Variants in POLE observed in about 807,000 individuals in gnomAD.
POLE encodes DNA polymerase epsilon catalytic subunit A.
In POLE, 188 loss-of-function variants were observed where a neutral mutation model predicts 279.2. The observed-to-expected ratio is 0.67, with a 90% confidence interval of 0.60 to 0.76. The LOEUF (loss-of-function observed/expected upper bound fraction) is 0.76. Among genes scored for constraint, POLE ranks in the 30% least tolerant of loss-of-function variants. POLE has a pLI of 0.00. For synonymous variants in POLE, 1,214 were observed against 1,172.5 expected (o/e 1.04, Z -0.72); for missense variants, 2,703 against 3,016.7 (o/e 0.90, Z 2.44).
intron 45 of POLE, among the ~76,000 whole-genome samples, chr12:132,627,303 A>AT (rs922405786): frequency 1.6e-4 from 24 of 151,476 alleles, no homozygotes; most frequent in East Asian, 5.8e-4. Flanking sequence ...AAGCTATGTG[A>AT]TTTTTTTTAT....
chr12:132,661,544 G>A lies in POLE; in HGVS notation c.2847C>T (p.Gly949=), dbSNP rs1555226021. 6.2e-7 allele frequency: 1 copy of A among 1,614,070 alleles called. No individual in the cohort carries two copies. Among genetic ancestry groups the A allele is most frequent in the Non-Finnish European group, 8.5e-7 (1 of 1,179,982 alleles). The part of the protein sequence containing the change: ...AMILPASKEE[G]KKLKKRYAVF... The stretch of plus-strand genomic sequence containing the variant: ...AGTCCCACCTCTTCTTCAATTTCTT[G>A]CCTTCTTCCTTGGAGGCTGGAAGAA... The change falls in exon 24 of 49, where the codon GGC becomes GGT. Residue 949 remains glycine, a synonymous_variant. Transcript: ENST00000320574. The surrounding 1 kb of genome is among the most constrained non-coding windows in gnomAD (Gnocchi z 4.1).
intron 32 of POLE, among the ~76,000 whole-genome samples, chr12:132,647,074 T>A (rs548532235): frequency 6.6e-6 from 1 of 152,264 alleles, no homozygotes; most frequent in East Asian, 1.9e-4. Context: ...GTCATTTCAC[T>A]TAAAATTGCA....
chr12:132,625,888 G>A, intron 46 of POLE, 118 bp from the exon 47 acceptor site: 2 of 1,393,028 alleles, frequency 1.4e-6, no homozygotes, highest in Non-Finnish European at 2.0e-6. Flanking sequence ...CGAGTCTCCT[G>A]AGTGCAGCTG....
chr12:132,675,768 A>G lies in POLE; in HGVS notation c.1073T>C (p.Ile358Thr), dbSNP rs1593077499. The change falls in exon 11 of 49, where the codon ATC becomes ACC. Residue 358 changes from isoleucine to threonine, a missense_variant. Ile to Thr is a moderately conservative substitution (Grantham distance 89, BLOSUM62 -1). This residue lies in a region of POLE where 1,011 missense variants were observed against 1,111.7 expected (regional missense o/e 0.91). Coordinates refer to ENST00000320574, the MANE Select transcript of POLE (RefSeq NM_006231.4). This position sits in a 1 kb window ranked among gnomAD's most constrained non-coding sequence, Gnocchi z 4.3. ...FEHVQETKPTIMVTYNGDFFD... is the reference protein window; with the variant it reads ...FEHVQETKPTTMVTYNGDFFD... The stretch of plus-strand genomic sequence containing the variant: ...AAAGTCCCCGTTGTAGGTGACCATG[A>G]TGGTGGGTTTGGTCTCCTGGACGTG... The G allele has an allele frequency of 1.2e-6, 2 of 1,614,162 alleles. No individual in the cohort carries two copies. The highest frequency in any genetic ancestry group is 2.7e-5 in the African/African-American group (2 of 75,062).
In POLE at chr12:132,665,298, C is replaced by T. The variant is rs1555226663; in HGVS notation, c.2468+4G>A. The T allele has an allele frequency of 1.2e-6, 2 of 1,612,978 alleles. No homozygotes were observed. Among genetic ancestry groups the T allele is most frequent in the Non-Finnish European group, 1.7e-6 (2 of 1,179,196 alleles). On this transcript the variant is annotated splice_donor_region_variant and intron_variant, in intron 21 of 48. Transcript: ENST00000320574. ...AAGCCTCTCCCGGGCCCGGGCCCACCTACCCCTTGCGCATGACATAGCCAT... is the reference window on the plus strand; with the variant it reads ...AAGCCTCTCCCGGGCCCGGGCCCACTTACCCCTTGCGCATGACATAGCCAT...
intron 33 of POLE, 27 bp from the exon 34 acceptor site, chr12:132,643,587 C>G (rs370610017): frequency 4.2e-5 from 67 of 1,613,440 alleles, no homozygotes; most frequent in Non-Finnish European, 5.6e-5. Context: ...GACAGGCCGG[C>G]AAGGGCTGGA....
At chr12:132,637,968 C>T (rs2138499054) in intron 41 of POLE, 46 bp downstream of exon 41, 1 of 1,601,276 alleles carries the variant, frequency 6.2e-7, no homozygotes, top group Non-Finnish European at 8.5e-7. Flanking sequence ...TTTTAGCATC[C>T]CTCTCAAAGC....
intron 45 of POLE, among the ~76,000 whole-genome samples, chr12:132,627,425 C>A (rs1194783763): frequency 2.6e-5 from 4 of 152,122 alleles, no homozygotes; most frequent in Non-Finnish European, 5.9e-5. Flanking sequence ...TCAGCCTTCC[C>A]AGTAGCTGGG....
chr12:132,652,697 A>G (rs1015502322), intron 29 of POLE, among the ~76,000 whole-genome samples: 4 of 151,980 alleles, frequency 2.6e-5, no homozygotes, highest in African/African-American at 9.7e-5. Context: ...AGCATCACTC[A>G]CTGCAGTCCA....
In POLE at chr12:132,668,293, T is replaced by C. The variant is rs2042840394; in HGVS notation, c.2173+63A>G. On this transcript the variant is annotated intron_variant, in intron 19 of 48. Coordinates refer to ENST00000320574, the MANE Select transcript of POLE (RefSeq NM_006231.4). This position sits in a 1 kb window ranked among gnomAD's most constrained non-coding sequence, Gnocchi z 4.0. ...GCTGGGATGGACCAACGCAGCCCAGTAAGAACAGAAAGTGGGAGCAGGAGC... is the reference window on the plus strand; with the variant it reads ...GCTGGGATGGACCAACGCAGCCCAGCAAGAACAGAAAGTGGGAGCAGGAGC... 6.7e-7 allele frequency: 1 copy of C among 1,501,124 alleles called. No homozygotes were observed. The highest frequency in any genetic ancestry group is 1.4e-5 in the African/African-American group (1 of 71,198). 93.0% of individuals were successfully genotyped at this position (1,501,124 alleles called of 1,614,324 possible).
At chr12:132,643,710 A>T in intron 33 of POLE, 127 bp downstream of exon 33, 1 of 1,450,214 alleles carries the variant, frequency 6.9e-7, no homozygotes, top group Non-Finnish European at 9.5e-7. Flanking sequence ...GCTGACATTC[A>T]CCTCACCTGT....
chr12:132,667,402 C>T, intron 20 of POLE, 101 bp downstream of exon 20: 2 of 1,265,166 alleles, frequency 1.6e-6, no homozygotes, highest in South Asian at 1.3e-5. Flanking sequence ...GTGCAAGTGC[C>T]TGCTCAGAGG....
rs1011938171 is a variant in POLE at position 132,642,326 on chromosome 12, C to T, written c.5024G>A (p.Arg1675His). 11 of 1,596,452 alleles carry T rather than the reference C, an allele frequency of 6.9e-6. No homozygotes were observed. Among genetic ancestry groups the T allele is most frequent in the African/African-American group, 1.3e-5 (1 of 74,350 alleles). Reference sequence around the variant, plus strand: ...CAGGTGGTTGTGGCGCTGGAGGTGGCGGGCAAAGAAGAGGTCGGAGCCGAA... The same window carrying T: ...CAGGTGGTTGTGGCGCTGGAGGTGGTGGGCAAAGAAGAGGTCGGAGCCGAA... ...STFGSDLFFA[R>H]HLQRHNHLLW... is the part of the protein sequence containing the mutation. The change falls in exon 38 of 49, where the codon CGC (arginine) becomes CAC (histidine). Residue 1675 changes from arginine (R) to histidine (H), a missense_variant. Around this residue, in one of 5 missense-constraint regions of POLE, gnomAD observed 1,551 missense variants for 1,686.1 expected, o/e 0.92. Transcript: ENST00000320574.
At chr12:132,657,512 A>G in intron 27 of POLE, 83 bp from the exon 28 acceptor site, 1 of 1,121,182 alleles carries the variant, frequency 8.9e-7, no homozygotes, top group Non-Finnish European at 1.3e-6. Flanking sequence ...GCACAGGGCT[A>G]ACCACTGTGT....
intron 45 of POLE, among the ~76,000 whole-genome samples, chr12:132,629,929 C>T (rs1010263959): frequency 1.3e-5 from 2 of 152,126 alleles, no homozygotes; most frequent in Non-Finnish European, 2.9e-5. Flanking sequence ...CACTTGAACA[C>T]GTAGAGGCCA....
chr12:132,638,180 T>C (rs1364751019), intron 40 of POLE, 41 bp from the exon 41 acceptor site: 1 of 1,599,544 alleles, frequency 6.3e-7, no homozygotes, highest in Non-Finnish European at 8.5e-7. Flanking sequence ...GACGCCACAG[T>C]CATGGAGAGC....
At chr12:132,633,091 G>T in intron 43 of POLE, 1 of 228,252 alleles carries the variant, frequency 4.4e-6, no homozygotes, top group Non-Finnish European at 8.5e-6. Context: ...CCCAACACAA[G>T]CAAAGGCAGG....
intron 41 of POLE, among the ~76,000 whole-genome samples, chr12:132,637,254 T>C (rs2042052268): frequency 6.6e-6 from 1 of 152,190 alleles, no homozygotes; most frequent in South Asian, 2.1e-4. Context: ...TAAGGCCTAT[T>C]ATCAATTTAG....
intron 45 of POLE, among the ~76,000 whole-genome samples, chr12:132,629,022 A>G (rs898089167): frequency 6.6e-6 from 1 of 152,214 alleles, no homozygotes; most frequent in East Asian, 1.9e-4. Context: ...GGGAATCACT[A>G]TCTATGGCAG....
Sources: gnomAD v4.1 joint callset for allele counts (sites outside exome capture counted in the v4.1 genomes callset) on GRCh38, gnomAD v4.1.1 for gene constraint, gnomAD v4.1.1 regional missense constraint, Gnocchi (gnomAD v3.1) non-coding constraint, MANE v1.5 for transcripts, NCBI Gene and HGNC (gene_info 2026-07-23, HGNC 2026-07-21) for gene names.